GRM7: variants seen among roughly 807,000 people sequenced by gnomAD.
GRM7 encodes the protein glutamate metabotropic receptor 7, also known as metabotropic glutamate receptor 7.
In GRM7, 35 loss-of-function variants were observed where a neutral mutation model predicts 84.5. The observed-to-expected ratio is 0.41, with a 90% CI of 0.32 to 0.55. The LOEUF (loss-of-function observed/expected upper bound fraction) is 0.55. Among genes scored for constraint, GRM7 ranks in the 20% least tolerant of loss-of-function variants. The pLI is 0.19. For synonymous variants in GRM7, 487 were observed against 455.1 expected, an observed-to-expected ratio of 1.07 and a Z score of -0.89; for missense variants, 1,003 against 1,194.6, an observed-to-expected ratio of 0.84 and a Z score of 2.36.
chr3:7,610,109 T>C (rs1447014717), intron 8 of GRM7, among the ~76,000 whole-genome samples: 2 of 152,214 alleles, frequency 1.3e-5, no homozygotes, highest in Non-Finnish European at 2.9e-5. Context: ...AGCATCTGTC[T>C]TATTGAAGGT....
intron 5 of GRM7, among the ~76,000 whole-genome samples, chr3:7,428,510 G>A (rs1350632668): frequency 1.3e-5 from 2 of 152,108 alleles, no homozygotes; most frequent in African/African-American, 4.8e-5. Context: ...CTTGAAAAGT[G>A]TACATTCATG....
intron 4 of GRM7, among the ~76,000 whole-genome samples, chr3:7,340,345 C>G (rs539758022): frequency 6.6e-6 from 1 of 152,200 alleles, no homozygotes; most frequent in African/African-American, 2.4e-5. Context: ...CCAGTGAGGC[C>G]TTAGGAAACT....
chr3:7,211,103 TATG>T (rs1311568901), intron 2 of GRM7, among the ~76,000 whole-genome samples: 12 of 152,226 alleles, frequency 7.9e-5, no homozygotes, highest in African/African-American at 2.2e-4. Context: ...CTCTTGACAG[TATG>T]ATATTTGGCA....
rs187874960 is a variant in GRM7 at position 7,345,595 on chromosome 3, T to G, written c.1033+38943T>G. ...CACTGTGCCCAGCCCTCTTAACAAT[T>G]ATTCTGACTTGCTGATGCCCGGCAG... On this transcript the variant is annotated intron_variant, in intron 4 of 9. Transcript: ENST00000357716. 4.6e-5 allele frequency among the ~76,000 whole-genome samples: 7 copies of G among 152,222 alleles called. No individual in the cohort carries two copies. The East Asian group carries it at 1.4e-3, about 29-fold the overall frequency.
chr3:7,430,852 A>G (rs1325663676), intron 5 of GRM7, among the ~76,000 whole-genome samples: 1 of 152,216 alleles, frequency 6.6e-6, no homozygotes, highest in Non-Finnish European at 1.5e-5. Flanking sequence ...TATAATAAAG[A>G]TAATATCCTC....
At chr3:6,920,980 G>A (rs1273918622) in intron 1 of GRM7, among the ~76,000 whole-genome samples, 1 of 152,156 alleles carries the variant, frequency 6.6e-6, no homozygotes, top group Non-Finnish European at 1.5e-5. Context: ...AATCTAAAGA[G>A]GCAAATAATT....
At chr3:7,259,601 C>T (rs1033407984) in intron 2 of GRM7, among the ~76,000 whole-genome samples, 6 of 152,128 alleles carry the variant, frequency 3.9e-5, no homozygotes, top group Admixed American at 6.5e-5. Flanking sequence ...CATCCATGTT[C>T]CTGCAAAGGA....
chr3:7,461,376 A>C (rs1350392030), intron 6 of GRM7, among the ~76,000 whole-genome samples: 2 of 152,188 alleles, frequency 1.3e-5, no homozygotes, highest in Non-Finnish European at 2.9e-5. Context: ...AAGGGGAAGT[A>C]GTCTTCCACC....
chr3:7,009,561 T>A (rs2124891615), intron 1 of GRM7, among the ~76,000 whole-genome samples: 1 of 152,320 alleles, frequency 6.6e-6, no homozygotes, highest in South Asian at 2.1e-4. Context: ...TGGGGGACTC[T>A]TTCAAAATAT....
intron 4 of GRM7, among the ~76,000 whole-genome samples, chr3:7,407,572 A>G (rs1208006397): frequency 6.6e-6 from 1 of 152,232 alleles, no homozygotes; most frequent in African/African-American, 2.4e-5. Flanking sequence ...AATTTTAAAA[A>G]TCATCTGTAA....
intron 9 of GRM7, among the ~76,000 whole-genome samples, chr3:7,682,959 A>G (rs1388434707): frequency 6.6e-6 from 1 of 152,216 alleles, no homozygotes; most frequent in Non-Finnish European, 1.5e-5. Flanking sequence ...AGATTAAGTA[A>G]CATTATCAAA....
chr3:7,329,123 G>A (rs1168127367), intron 4 of GRM7, among the ~76,000 whole-genome samples: 4 of 150,670 alleles, frequency 2.7e-5, no homozygotes, highest in Non-Finnish European at 5.9e-5. Context: ...CCTGCCTTCT[G>A]CCATGAAAGA....
chr3:6,976,690 A>G (rs2125100633), intron 1 of GRM7, among the ~76,000 whole-genome samples: 1 of 152,232 alleles, frequency 6.6e-6, no homozygotes, highest in South Asian at 2.1e-4. Flanking sequence ...TGAAAAAAAA[A>G]TGGGGTCCTA....
chr3:7,437,847 G>A (rs1301002791), intron 5 of GRM7, among the ~76,000 whole-genome samples: 2 of 152,040 alleles, frequency 1.3e-5, no homozygotes, highest in African/African-American at 4.8e-5. Flanking sequence ...ACCAAACTTT[G>A]AGAATTAGTA....
At chr3:7,157,962 C>T (rs1694507855) in intron 2 of GRM7, among the ~76,000 whole-genome samples, 1 of 152,100 alleles carries the variant, frequency 6.6e-6, no homozygotes, top group Admixed American at 6.6e-5. Flanking sequence ...GGATGAGAAT[C>T]TCCTGGTAGT....
intron 1 of GRM7, among the ~76,000 whole-genome samples, chr3:7,102,075 G>A (rs1301983453): frequency 6.6e-6 from 1 of 151,262 alleles, no homozygotes; most frequent in African/African-American, 2.4e-5. Flanking sequence ...TCAAAATTTA[G>A]TTATATTTTA....
intron 1 of GRM7, among the ~76,000 whole-genome samples, chr3:7,123,384 C>T (rs1037261437): frequency 6.6e-6 from 1 of 152,038 alleles, no homozygotes; most frequent in Non-Finnish European, 1.5e-5. Context: ...TTTGGGAGGC[C>T]GAGGTGAGTG....
chr3:7,120,615 C>T (rs55673941), intron 1 of GRM7, among the ~76,000 whole-genome samples: 31,904 of 151,726 alleles, frequency 0.21, 3,531 homozygotes, highest in Middle Eastern at 0.3. Flanking sequence ...TATATATTGC[C>T]AAAAATATAT....
At chr3:7,269,962 C>T (rs1396506728) in intron 2 of GRM7, among the ~76,000 whole-genome samples, 1 of 152,098 alleles carries the variant, frequency 6.6e-6, no homozygotes, top group Non-Finnish European at 1.5e-5. Context: ...TCCTACACGT[C>T]CTTTAGATTA....
Sources: allele counts gnomAD v4.1 joint callset (sites outside exome capture counted in the v4.1 genomes callset), GRCh38; gene constraint gnomAD v4.1.1; transcripts MANE v1.5; gene names NCBI Gene and HGNC (gene_info 2026-07-23, HGNC 2026-07-21).